The following ACBD7 variants were observed in gnomAD, a reference collection of about 807,000 sequenced individuals.
ACBD7 encodes the protein acyl-CoA-binding domain-containing protein 7.
Under a neutral mutation model 13.7 loss-of-function variants are expected in ACBD7, and 11 were observed. The ratio of observed to expected loss-of-function variants is 0.80; its 90% CI spans 0.50 to 1.33. The LOEUF is 1.33. Among genes scored for constraint, ACBD7 ranks in the 40% most tolerant of loss-of-function variants. The pLI, the probability that ACBD7 is intolerant of heterozygous loss-of-function variation, is 0.00. For missense variants in ACBD7, 111 were observed against 103.0 expected, an observed-to-expected ratio of 1.08 and a Z score of -0.33; for synonymous variants, 43 against 37.7, an observed-to-expected ratio of 1.14 and a Z score of -0.51.
chr10:15,079,207 G>C (rs773607651), intron 1 of ACBD7, among the ~76,000 whole-genome samples, 167 bp from the exon 2 acceptor site: 9 of 151,370 alleles, frequency 5.9e-5, no homozygotes, highest in Non-Finnish European at 1.0e-4. Flanking sequence ...CCTCTCCTGG[G>C]ACTTACCTAA....
Position 15,079,039 on chromosome 10 carries a change from G to C in ACBD7, c.14C>G (p.Ala5Gly). 1.2e-6 allele frequency: 2 copies of C among 1,601,896 alleles called. No homozygotes were observed. Among genetic ancestry groups the C allele is most frequent in the Non-Finnish European group, 1.7e-6 (2 of 1,173,652 alleles). Residue 5 changes from alanine (A) to glycine (G), a missense_variant and splice_region_variant, in exon 2 of 4, where the codon GCT (alanine) becomes GGT (glycine). Transcript: ENST00000356189. ...ATCTTCTGCAGCCCTGTCAAAATCA[G>C]CCTAAAGGAAGAACAAACAAACAAA... MALQADFDRAAEDVR... is the reference protein window; with the variant it reads MALQGDFDRAAEDVR...
At chr10:15,085,181 T>C (rs1844795418) in intron 1 of ACBD7, among the ~76,000 whole-genome samples, 1 of 152,364 alleles carries the variant, frequency 6.6e-6, no homozygotes, top group African/African-American at 2.4e-5. Flanking sequence ...CTTGGGATTC[T>C]GCAAGACAAA....
intron 1 of ACBD7, among the ~76,000 whole-genome samples, chr10:15,084,205 C>A (rs1471463563): frequency 2.0e-5 from 3 of 151,144 alleles, no homozygotes; most frequent in African/African-American, 7.4e-5. Context: ...ACTCACAAAT[C>A]AATAAATAAA....
In ACBD7 at chr10:15,078,140, T is replaced by C. The variant is rs1287843976; in HGVS notation, c.*390A>G. The C allele has an allele frequency of 9.7e-6, 2 of 206,650 alleles. No homozygotes were observed. The highest frequency in any genetic ancestry group is 9.3e-5 in the South Asian group (1 of 10,764). 12.8% of individuals were successfully genotyped at this position (206,650 alleles called of 1,614,324 possible). A position where few individuals can be genotyped will look rare whatever the true frequency, so the allele number is the denominator to read the frequency against. On this transcript the variant is annotated 3_prime_UTR_variant, in exon 4 of 4. Coordinates refer to ENST00000356189, the MANE Select transcript of ACBD7 (RefSeq NM_001039844.3). Reference sequence around the variant, plus strand: ...CCCCAGTGTGTGATGTTCCCTTCCCTGTGTCCATGTGTTCTCATTGTTCAA... The same window carrying C: ...CCCCAGTGTGTGATGTTCCCTTCCCCGTGTCCATGTGTTCTCATTGTTCAA...
In ACBD7 at chr10:15,078,917, T is replaced by C. The variant is rs1564539512; in HGVS notation, c.130+6A>G. The C allele has an allele frequency of 1.4e-6, 2 of 1,415,160 alleles. No individual in the cohort carries two copies. The highest frequency in any genetic ancestry group is 1.9e-6 in the Non-Finnish European group (2 of 1,050,834). 87.7% of individuals were successfully genotyped at this position (1,415,160 alleles called of 1,614,324 possible). A position where few individuals can be genotyped will look rare whatever the true frequency, so the allele number is the denominator to read the frequency against. The stretch of plus-strand genomic sequence containing the variant: ...TGAATATATTAATATTAATAATATA[T>C]AATACCAATATTAATGTCTCCAACT... On this transcript the variant is annotated splice_donor_region_variant and intron_variant, in intron 2 of 3. Transcript: ENST00000356189.
chr10:15,084,205 CAATA>C (rs1367191210), intron 1 of ACBD7, among the ~76,000 whole-genome samples: 10 of 151,144 alleles, frequency 6.6e-5, no homozygotes, highest in Admixed American at 2.0e-4. Flanking sequence ...ACTCACAAAT[CAATA>C]AATAAACAAT....
chr10:15,087,069 A>C (rs1476148876), intron 1 of ACBD7, among the ~76,000 whole-genome samples: 1 of 151,512 alleles, frequency 6.6e-6, no homozygotes, highest in Non-Finnish European at 1.5e-5. Context: ...GGTCCAAGCT[A>C]CTTGGGAGGC....
intron 1 of ACBD7, among the ~76,000 whole-genome samples, chr10:15,085,664 T>C (rs1398004104): frequency 2.0e-5 from 3 of 152,256 alleles, no homozygotes; most frequent in African/African-American, 7.2e-5. Context: ...GTCTGTTTTT[T>C]AGCTTCATCA....
At position 15,088,764 on chromosome 10, in the gene ACBD7, C is replaced by G; in HGVS notation, c.-36G>C. On this transcript the variant is annotated 5_prime_UTR_variant, in exon 1 of 4. Coordinates refer to ENST00000356189, the MANE Select transcript of ACBD7 (RefSeq NM_001039844.3). ...GCCGCGTTGTTGCTGCTGCTGTTGT[C>G]GTCCGGTGCTCTGCCCCCTCTCGCA... 2 of 1,598,784 alleles carry G rather than the reference C, an allele frequency of 1.3e-6. No individual in the cohort carries two copies. Among genetic ancestry groups the G allele is most frequent in the Non-Finnish European group, 1.7e-6 (2 of 1,175,484 alleles).
intron 1 of ACBD7, 45 bp downstream of exon 1, chr10:15,088,672 C>A: frequency 6.3e-7 from 1 of 1,588,694 alleles, no homozygotes; most frequent in South Asian, 1.1e-5. Context: ...AAGCACTCCC[C>A]TCGCGGAGCG....
At position 15,075,835 on chromosome 10, in the gene ACBD7, A is replaced by T. The variant is rs531477815; in HGVS notation, c.*2695T>A. On this transcript the variant is annotated 3_prime_UTR_variant, in exon 4 of 4. Coordinates refer to ENST00000356189, the MANE Select transcript of ACBD7 (RefSeq NM_001039844.3). The stretch of plus-strand genomic sequence containing the variant: ...TGAAAAATACAAAAATTAGCTGGGC[A>T]TGGTTGCACGCACCTGTAGTCCCAG... 7.0e-4 allele frequency among the ~76,000 whole-genome samples: 106 copies of T among 152,188 alleles called. 1 individual carries two copies. Among genetic ancestry groups the T allele is most frequent in the Middle Eastern group, 3.4e-3 (1 of 294 alleles).
At chr10:15,087,857 G>A (rs1476190013) in intron 1 of ACBD7, among the ~76,000 whole-genome samples, 12 of 151,454 alleles carry the variant, frequency 7.9e-5, no homozygotes, top group Admixed American at 7.2e-4. Context: ...GCGTGGTGGC[G>A]TGCACCTGTA....
chr10:15,082,915 G>C (rs1321528476), intron 1 of ACBD7, among the ~76,000 whole-genome samples: 2 of 152,110 alleles, frequency 1.3e-5, no homozygotes, highest in Non-Finnish European at 2.9e-5. Context: ...CCTCACACCT[G>C]TGATCCCAGC....
At position 15,078,122 on chromosome 10, in the gene ACBD7, G is replaced by GTGTGA. The variant is rs1188712575; in HGVS notation, c.*403_*407dup. On this transcript the variant is annotated 3_prime_UTR_variant, in exon 4 of 4. Coordinates refer to ENST00000356189, the MANE Select transcript of ACBD7 (RefSeq NM_001039844.3). The stretch of plus-strand genomic sequence containing the variant: ...CCCCTAGTCCCCGACAGGCCCCAGT[G>GTGTGA]TGTGATGTTCCCTTCCCTGTGTCCA... 1 of 188,578 alleles carries GTGTGA rather than the reference G, an allele frequency of 5.3e-6. No individual in the cohort carries two copies. Among genetic ancestry groups the GTGTGA allele is most frequent in the Non-Finnish European group, 1.1e-5 (1 of 90,788 alleles). 11.7% of individuals were successfully genotyped at this position (188,578 alleles called of 1,614,324 possible). A position where few individuals can be genotyped will look rare whatever the true frequency, so the allele number is the denominator to read the frequency against.
At chr10:15,079,094 G>C (rs1844718763) in intron 1 of ACBD7, 54 bp from the exon 2 acceptor site, 2 of 1,215,244 alleles carry the variant, frequency 1.6e-6, no homozygotes, top group African/African-American at 3.0e-5. Context: ...CCAAGGAATA[G>C]GAACTCAAAG....
chr10:15,088,705 C>A lies in ACBD7; in HGVS notation c.12+12G>T, dbSNP rs111334775. 3.8e-6 allele frequency: 6 copies of A among 1,597,034 alleles called. No homozygotes were observed. In the African/African-American group the frequency reaches 5.5e-5, roughly 15 times the overall value. On this transcript the variant is annotated intron_variant, in intron 1 of 3. Transcript: ENST00000356189. ...GCGCCCCTCCCGCGTGGCCTCCCCG[C>A]GCCCCGGGTACCTGCAGGGCCATGG...
At chr10:15,084,040 A>C (rs1328455475) in intron 1 of ACBD7, among the ~76,000 whole-genome samples, 1 of 152,210 alleles carries the variant, frequency 6.6e-6, no homozygotes, top group Non-Finnish European at 1.5e-5. Flanking sequence ...GAGGTAGCAC[A>C]GACGGGAAGG....
chr10:15,078,362 C>G lies in ACBD7; in HGVS notation c.*168G>C. The G allele has an allele frequency of 6.8e-7, 1 of 1,476,334 alleles. No individual in the cohort carries two copies. The highest frequency in any genetic ancestry group is 2.3e-5 in the East Asian group (1 of 43,408). 91.5% of individuals were successfully genotyped at this position (1,476,334 alleles called of 1,614,324 possible). A position where few individuals can be genotyped will look rare whatever the true frequency, so the allele number is the denominator to read the frequency against. On this transcript the variant is annotated 3_prime_UTR_variant, in exon 4 of 4. Coordinates refer to ENST00000356189, the MANE Select transcript of ACBD7 (RefSeq NM_001039844.3). ...TAAAGACACCTGGTTTAAGCAAGTACAATTGAGTTAACTATGTAGTTTCAG... is the reference window on the plus strand; with the variant it reads ...TAAAGACACCTGGTTTAAGCAAGTAGAATTGAGTTAACTATGTAGTTTCAG...
At chr10:15,080,965 T>G (rs1387829759) in intron 1 of ACBD7, among the ~76,000 whole-genome samples, 1 of 152,142 alleles carries the variant, frequency 6.6e-6, no homozygotes, top group Non-Finnish European at 1.5e-5. Context: ...ATACTTCTTC[T>G]CTGATGCCAG....
Sources: gnomAD v4.1 joint callset for allele counts (sites outside exome capture counted in the v4.1 genomes callset) on GRCh38, gnomAD v4.1.1 for gene constraint, MANE v1.5 for transcripts, NCBI Gene and HGNC (gene_info 2026-07-23, HGNC 2026-07-21) for gene names.